The following RCC1 variants were observed in gnomAD, a reference collection of about 807,000 sequenced individuals.
RCC1 encodes the protein regulator of chromosome condensation 1.
RCC1 carries 11 observed loss-of-function variants against 44.4 expected under a neutral mutation model. The observed-to-expected ratio is 0.25, with a 90% CI of 0.16 to 0.41. The LOEUF is 0.41. Among genes scored for constraint, RCC1 ranks in the 10% least tolerant of loss-of-function variants. RCC1 has a pLI of 1.00. For missense variants in RCC1, 386 were observed against 547.1 expected, an observed-to-expected ratio of 0.71 and a Z score of 2.94; for synonymous variants, 213 against 216.5, an observed-to-expected ratio of 0.98 and a Z score of 0.14.
intron 4 of RCC1, among the ~76,000 whole-genome samples, chr1:28,519,720 A>C (rs1468653602): frequency 6.6e-6 from 1 of 150,572 alleles, no homozygotes; most frequent in African/African-American, 2.4e-5. Context: ...ACACACCACC[A>C]GGCCCAGCTA....
intron 5 of RCC1, among the ~76,000 whole-genome samples, chr1:28,530,165 A>C (rs80055855): frequency 0.27 from 40,325 of 151,312 alleles, 5,539 homozygotes; most frequent in Middle Eastern, 0.35. Flanking sequence ...CACAAAAAAA[A>C]AAAAAAAAAA....
chr1:28,528,777 A>G (rs1334158085), intron 4 of RCC1, among the ~76,000 whole-genome samples: 1 of 147,842 alleles, frequency 6.8e-6, no homozygotes, highest in Admixed American at 6.8e-5. Context: ...CATTTTTCTC[A>G]CATATTTTTT....
chr1:28,514,417 T>C (rs1228482342), intron 3 of RCC1, among the ~76,000 whole-genome samples: 2 of 146,828 alleles, frequency 1.4e-5, no homozygotes, highest in Admixed American at 6.9e-5. Flanking sequence ...GCCACTGCAC[T>C]CCAGCCTGGG....
intron 4 of RCC1, among the ~76,000 whole-genome samples, chr1:28,524,483 C>T (rs573020078): frequency 1.3e-5 from 2 of 152,246 alleles, no homozygotes; most frequent in East Asian, 3.9e-4. Flanking sequence ...CGCTTGAGTC[C>T]ATGAGTTCGA....
chr1:28,511,701 T>C (rs1203400587), intron 3 of RCC1, among the ~76,000 whole-genome samples: 5 of 151,320 alleles, frequency 3.3e-5, no homozygotes, highest in African/African-American at 1.2e-4. Flanking sequence ...TCACTCTGTC[T>C]CCAGGAGGGA....
rs1300164963 is a variant in RCC1 at position 28,536,489 on chromosome 1, T to A, written c.937+108T>A. 1.4e-6 allele frequency: 2 copies of A among 1,406,566 alleles called. No homozygotes were observed. Among genetic ancestry groups the A allele is most frequent in the East Asian group, 4.6e-5 (2 of 43,858 alleles). The allele number at this position is 1,406,566 out of a possible 1,614,324, so 87.1% of individuals were successfully genotyped here. ...TTGGAGCCTGGGTCTGTTCCATGGGTTGTACCATACATGGGTCCATGAGAG... is the reference window on the plus strand; with the variant it reads ...TTGGAGCCTGGGTCTGTTCCATGGGATGTACCATACATGGGTCCATGAGAG... On this transcript the variant is annotated intron_variant, in intron 11 of 12. Transcript: ENST00000683442. This position sits in a 1 kb window ranked among gnomAD's most constrained non-coding sequence, Gnocchi z 4.9.
chr1:28,521,501 G>GAAA (rs71586849), intron 4 of RCC1, among the ~76,000 whole-genome samples: 16 of 56,100 alleles, frequency 2.9e-4, no homozygotes, highest in South Asian at 2.3e-3. Flanking sequence ...CTCCACCTCA[G>GAAA]AAAAAAAAAA....
rs909069779 is a variant in RCC1 at position 28,535,054 on chromosome 1, A to G, written c.446A>G (p.Asn149Ser). 13 of 1,613,862 alleles carry G rather than the reference A, an allele frequency of 8.1e-6. No homozygotes were observed. The highest frequency in any genetic ancestry group is 2.2e-5 in the South Asian group (2 of 91,062). ...RVFLWGSFRDNNGVIGLLEPM... is the reference protein window; with the variant it reads ...RVFLWGSFRDSNGVIGLLEPM... ...TGCCCTGTCCCTCCCTTCTAGGACA[A>G]TAACGGTGTGATTGGACTGTTGGAG... The change falls in exon 8 of 13, where the codon AAT becomes AGT. Residue 149 changes from asparagine (N) to serine (S), a missense_variant. Physicochemically the swap from Asn to Ser is conservative, Grantham distance 46 (BLOSUM62 1). Transcript: ENST00000683442.
At chr1:28,514,006 CA>C (rs879902209) in intron 3 of RCC1, among the ~76,000 whole-genome samples, 5,016 of 140,976 alleles carry the variant, frequency 0.036, 96 homozygotes, top group Non-Finnish European at 0.047. Context: ...ACTAAAAATA[CA>C]AAAAAAAAAA....
intron 5 of RCC1, chr1:28,530,513 T>C: frequency 6.3e-7 from 1 of 1,599,804 alleles, no homozygotes; most frequent in South Asian, 1.1e-5. Flanking sequence ...ACAGTGTCTG[T>C]CTTTTGCAGA....
At chr1:28,506,771 G>A (rs945255270) in intron 1 of RCC1, 1 of 152,834 alleles carries the variant, frequency 6.5e-6, no homozygotes. Flanking sequence ...TTATTTGATC[G>A]CACCACTGCA....
chr1:28,511,571 A>G (rs539903028), intron 3 of RCC1, among the ~76,000 whole-genome samples: 1 of 151,364 alleles, frequency 6.6e-6, no homozygotes, highest in East Asian at 2.0e-4. Context: ...GGGTTTCACC[A>G]TGTTAGCCAG....
intron 4 of RCC1, among the ~76,000 whole-genome samples, chr1:28,529,072 A>C (rs1570206022): frequency 1.5e-5 from 2 of 132,156 alleles, no homozygotes; most frequent in African/African-American, 2.9e-5. Flanking sequence ...ACGGGGTTTC[A>C]CCATGTTGGC....
chr1:28,506,201 C>CTTTTT, intron 1 of RCC1, 117 bp downstream of exon 1: 2 of 400,962 alleles, frequency 5.0e-6, no homozygotes, highest in African/African-American at 2.3e-5. Flanking sequence ...TATTTATTTA[C>CTTTTT]TTTTTTTTTT....
At position 28,533,845 on chromosome 1, in the gene RCC1, C is replaced by CTTTTTTT. The variant is rs1168443435; in HGVS notation, c.442-1161_442-1155dup. On this transcript the variant is annotated intron_variant, in intron 7 of 12. Transcript: ENST00000683442. ...ATATTTTTTTCTTTTCTTTTCTTTTCTTTTTTTTTTTTTTTTTTTTTTTTT... is the reference window on the plus strand; with the variant it reads ...ATATTTTTTTCTTTTCTTTTCTTTTCTTTTTTTTTTTTTTTTTTTTTTTTTTTTTTTT... 6.2e-4 allele frequency among the ~76,000 whole-genome samples: 29 copies of CTTTTTTT among 46,858 alleles called. 1 individual carries two copies. The highest frequency in any genetic ancestry group is 1.1e-3 in the East Asian group (1 of 872). 30.7% of individuals were successfully genotyped at this position (46,858 alleles called of 152,430 possible). A position where few individuals can be genotyped will look rare whatever the true frequency, so the allele number is the denominator to read the frequency against.
intron 7 of RCC1, among the ~76,000 whole-genome samples, chr1:28,533,364 G>A (rs971145643): frequency 7.9e-5 from 12 of 151,710 alleles, no homozygotes; most frequent in South Asian, 2.1e-4. Flanking sequence ...CCAGCTACTC[G>A]GGAGGCTGAG....
chr1:28,508,690 G>A lies in RCC1; in HGVS notation c.-228-140G>A, dbSNP rs373531637. ...AGATGAAGCTGGGCCTCGTGTCTGC[G>A]CCTGCATATTCCTACAGCTTCCCAG... On this transcript the variant is annotated intron_variant, in intron 2 of 12. Transcript: ENST00000683442. 12 of 519,032 alleles carry A rather than the reference G, an allele frequency of 2.3e-5. 1 individual carries two copies. Among genetic ancestry groups the A allele is most frequent in the South Asian group, 1.4e-4 (10 of 71,586 alleles). The allele number at this position is 519,032 out of a possible 1,614,324, so 32.2% of individuals were successfully genotyped here.
At chr1:28,518,802 T>G (rs1663090063) in intron 4 of RCC1, 1 of 152,020 alleles carries the variant, frequency 6.6e-6, no homozygotes, top group South Asian at 2.1e-4. Flanking sequence ...TTGGGAGCCG[T>G]GTGTCTTGAA....
At chr1:28,514,538 G>A (rs1662769754) in intron 3 of RCC1, among the ~76,000 whole-genome samples, 1 of 151,524 alleles carries the variant, frequency 6.6e-6, no homozygotes, top group East Asian at 1.9e-4. Flanking sequence ...GAGACTGGCG[G>A]ATCACCTGAG....
Sources: gnomAD v4.1 joint callset for allele counts (sites outside exome capture counted in the v4.1 genomes callset) on GRCh38, gnomAD v4.1.1 for gene constraint, Gnocchi (gnomAD v3.1) non-coding constraint, MANE v1.5 for transcripts, NCBI Gene and HGNC (gene_info 2026-07-23, HGNC 2026-07-21) for gene names.